Variants in SRRM4 observed in about 807,000 individuals in gnomAD.
SRRM4 encodes serine/arginine repetitive matrix protein 4.
SRRM4 carries 33 observed loss-of-function variants against 68.9 expected under a neutral mutation model. The ratio of observed to expected loss-of-function variants is 0.48; its 90% CI spans 0.36 to 0.64. SRRM4 has a LOEUF of 0.64. Among genes scored for constraint, SRRM4 ranks in the 30% least tolerant of loss-of-function variants. The pLI, the probability that SRRM4 is intolerant of heterozygous loss-of-function variation, is 0.00. For missense variants in SRRM4, 817 were observed against 827.1 expected, an observed-to-expected ratio of 0.99 and a Z score of 0.15; for synonymous variants, 318 against 318.8, an observed-to-expected ratio of 1.00 and a Z score of 0.03.
chr12:119,039,757 G>A lies in SRRM4; in HGVS notation c.131+57744G>A, dbSNP rs141526637. ...ACTTGAGAAGGCTGCAGTAGAAAAT[G>A]TGACCTGGTTCTGAGGCTGAATGAG... On this transcript the variant is annotated intron_variant, in intron 1 of 12. Transcript: ENST00000267260. Among the ~76,000 whole-genome samples the A allele has an allele frequency of 1.8e-3, 268 of 152,310 alleles. 2 individuals carry two copies. The highest frequency in any genetic ancestry group is 9.0e-3 in the Admixed American group (138 of 15,294).
chr12:119,075,508 GATGATGGTGGTA>G (rs1338967353), intron 1 of SRRM4, among the ~76,000 whole-genome samples: 3 of 149,116 alleles, frequency 2.0e-5, no homozygotes, highest in Admixed American at 6.7e-5. Flanking sequence ...TGATGGTGAT[GATGATGGTGGTA>G]ATGATGGTGA....
In SRRM4 at chr12:119,116,959, C is replaced by A. The variant is rs1251433036; in HGVS notation, c.388C>A (p.Pro130Thr). Residue 130 changes from proline to threonine, a missense_variant, in exon 4 of 13, where the codon CCT becomes ACT. Pro to Thr is a conservative substitution (Grantham distance 38). Transcript: ENST00000267260. Reference sequence around the variant, plus strand: ...CAGGTCCTCATCCTATAGCCCATCGCCTGTCAAGAAAAAGAAGAAGAAAAG... The same window carrying A: ...CAGGTCCTCATCCTATAGCCCATCGACTGTCAAGAAAAAGAAGAAGAAAAG... ...RRRSSSYSPS[P>T]VKKKKKKSSK... 3 of 1,613,760 alleles carry A rather than the reference C, an allele frequency of 1.9e-6. No homozygotes were observed. The East Asian group carries it at 6.7e-5, about 36-fold the overall frequency.
In SRRM4 at chr12:119,154,499, G is replaced by A; in HGVS notation, c.1532+116G>A. On this transcript the variant is annotated intron_variant, in intron 12 of 12. Coordinates refer to ENST00000267260, the MANE Select transcript of SRRM4 (RefSeq NM_194286.4). This position sits in a 1 kb window ranked among gnomAD's most constrained non-coding sequence, Gnocchi z 4.7. ...TTGGGGCTGGGATTTAGGATTGTGC[G>A]AGCTTATGGTCCCCCCAACCCCAAC... 2 of 1,191,352 alleles carry A rather than the reference G, an allele frequency of 1.7e-6. No homozygotes were observed. The highest frequency in any genetic ancestry group is 1.5e-5 in the South Asian group (1 of 68,692). 73.8% of individuals were successfully genotyped at this position (1,191,352 alleles called of 1,614,324 possible).
intron 1 of SRRM4, among the ~76,000 whole-genome samples, chr12:119,053,162 C>T (rs1314470213): frequency 1.3e-5 from 2 of 152,146 alleles, no homozygotes; most frequent in Non-Finnish European, 2.9e-5. Context: ...GTGTCAGGCT[C>T]AGAGCCTGGG....
At chr12:119,085,013 G>A (rs1953971066) in intron 1 of SRRM4, among the ~76,000 whole-genome samples, 1 of 152,204 alleles carries the variant, frequency 6.6e-6, no homozygotes, top group Admixed American at 6.5e-5. Context: ...CGATTCTCCT[G>A]TCTCAGCCTC....
chr12:119,057,994 T>C (rs1953787728), intron 1 of SRRM4, among the ~76,000 whole-genome samples: 1 of 152,134 alleles, frequency 6.6e-6, no homozygotes, highest in South Asian at 2.1e-4. Context: ...AAATAGACTC[T>C]CTGGGCTGAT....
At chr12:119,015,888 T>C (rs941730363) in intron 1 of SRRM4, among the ~76,000 whole-genome samples, 1 of 152,164 alleles carries the variant, frequency 6.6e-6, no homozygotes, top group Non-Finnish European at 1.5e-5. Flanking sequence ...AGGCCATCTC[T>C]GATGACCTGT....
At chr12:119,138,810 C>A (rs997891527) in intron 8 of SRRM4, among the ~76,000 whole-genome samples, 3 of 152,102 alleles carry the variant, frequency 2.0e-5, no homozygotes, top group Non-Finnish European at 4.4e-5. Flanking sequence ...TTAAGTAGAT[C>A]TTGTGGAAGC....
chr12:119,093,774 G>C (rs1221671700), intron 1 of SRRM4, among the ~76,000 whole-genome samples: 1 of 152,168 alleles, frequency 6.6e-6, no homozygotes, highest in Non-Finnish European at 1.5e-5. Flanking sequence ...TGACATTTTG[G>C]AATTCAGTCC....
intron 1 of SRRM4, among the ~76,000 whole-genome samples, chr12:119,054,042 C>A (rs1462390126): frequency 1.3e-5 from 2 of 152,220 alleles, no homozygotes; most frequent in African/African-American, 2.4e-5. Flanking sequence ...CTCCCCACTA[C>A]CTTTCCCATC....
intron 1 of SRRM4, among the ~76,000 whole-genome samples, chr12:119,080,348 A>G (rs1302403522): frequency 9.8e-6 from 1 of 102,320 alleles, no homozygotes; most frequent in Non-Finnish European, 2.4e-5. Flanking sequence ...ATATAATTAT[A>G]TAATTAACAT....
chr12:119,044,667 CA>C (rs1396504875), intron 1 of SRRM4, among the ~76,000 whole-genome samples: 1 of 152,004 alleles, frequency 6.6e-6, no homozygotes, highest in African/African-American at 2.4e-5. Context: ...TGGATTGAGA[CA>C]ATTCCTAGGT....
chr12:119,051,027 C>A (rs1289246942), intron 1 of SRRM4, among the ~76,000 whole-genome samples: 2 of 152,258 alleles, frequency 1.3e-5, no homozygotes, highest in East Asian at 3.9e-4. Context: ...GGTTCTCAAT[C>A]AGGAGCAATT....
intron 7 of SRRM4, among the ~76,000 whole-genome samples, chr12:119,130,213 T>C (rs199867518): frequency 7.1e-6 from 1 of 140,424 alleles, no homozygotes; most frequent in Non-Finnish European, 1.6e-5. Flanking sequence ...CTTAGACAGA[T>C]AGATGGATGG....
intron 1 of SRRM4, among the ~76,000 whole-genome samples, chr12:119,100,850 G>A (rs535875705): frequency 6.6e-6 from 1 of 152,172 alleles, no homozygotes; most frequent in South Asian, 2.1e-4. Context: ...GAAAACTGAG[G>A]CTGAGCAGGA....
chr12:119,097,714 G>C (rs557366579), intron 1 of SRRM4, among the ~76,000 whole-genome samples: 1 of 152,228 alleles, frequency 6.6e-6, no homozygotes, highest in South Asian at 2.1e-4. Flanking sequence ...TCTGATTCCT[G>C]ACCCCTGTTG....
intron 1 of SRRM4, chr12:119,031,254 C>T (rs938369571): frequency 6.6e-6 from 1 of 152,164 alleles, no homozygotes; most frequent in Non-Finnish European, 1.5e-5. Context: ...TCTGAGACCT[C>T]CCCCAGTTCC....
Position 119,114,353 on chromosome 12 carries a change from G to A in SRRM4, c.354G>A (p.Lys118=). 4 of 1,606,972 alleles carry A rather than the reference G, an allele frequency of 2.5e-6. No homozygotes were observed. The highest frequency in any genetic ancestry group is 3.4e-6 in the Non-Finnish European group (4 of 1,176,604). ...GKKKKKKSTR[K]KRRRSSSYSP... is the part of the protein sequence containing the mutation. ...AGAAAAAGAAGAAATCCACTCGGAAGAAGAGAAGGAGGTAAGAGCACCAAG... is the reference window on the plus strand; with the variant it reads ...AGAAAAAGAAGAAATCCACTCGGAAAAAGAGAAGGAGGTAAGAGCACCAAG... Residue 118 remains lysine (K), a synonymous_variant, in exon 3 of 13, where the codon AAG becomes AAA. Transcript: ENST00000267260.
rs773482234 is a variant in SRRM4, at chr12:119,154,403, G to C, written c.1532+20G>C. ...AACCAGGTGAGGCCAGGGGGCAAGG[G>C]GGACCCACCTTCATCCTCGTTCCCA... On this transcript the variant is annotated intron_variant, in intron 12 of 12. Coordinates refer to ENST00000267260, the MANE Select transcript of SRRM4 (RefSeq NM_194286.4). The surrounding 1 kb of genome is among the most constrained non-coding windows in gnomAD (Gnocchi z 4.7). 1 of 1,610,356 alleles carries C rather than the reference G, an allele frequency of 6.2e-7. No individual in the cohort carries two copies. Among genetic ancestry groups the C allele is most frequent in the Non-Finnish European group, 8.5e-7 (1 of 1,178,432 alleles).
Sources: gnomAD v4.1 joint callset for allele counts (sites outside exome capture counted in the v4.1 genomes callset) on GRCh38, gnomAD v4.1.1 for gene constraint, Gnocchi (gnomAD v3.1) non-coding constraint, MANE v1.5 for transcripts, NCBI Gene and HGNC (gene_info 2026-07-23, HGNC 2026-07-21) for gene names.